The following ANKRD54 variants were observed in gnomAD, a reference collection of about 807,000 sequenced individuals.
ANKRD54 encodes the protein ankyrin repeat domain 54, also known as ankyrin repeat domain-containing protein 54.
In ANKRD54, 26 loss-of-function variants were observed where a neutral mutation model predicts 36.2. That is an observed-to-expected ratio of 0.72 (90% CI 0.53 to 1.00). The LOEUF (loss-of-function observed/expected upper bound fraction) is 1.00. Ranked by LOEUF, ANKRD54 falls within the 50% of genes least tolerant of loss-of-function variation. The pLI is 0.00. For synonymous variants in ANKRD54, 209 were observed against 188.4 expected (o/e 1.11, Z -0.89); for missense variants, 384 against 424.3 (o/e 0.91, Z 0.83).
Position 37,831,813 on chromosome 22 carries a change from T to C in ANKRD54, c.*130A>G. On this transcript the variant is annotated 3_prime_UTR_variant, in exon 8 of 8. Coordinates refer to ENST00000215941, the MANE Select transcript of ANKRD54 (RefSeq NM_138797.4). Reference sequence around the variant, plus strand: ...GAGAGAGCATCTCTGCCCCACGGCATCTGCGGGTGAGGGCAAGGTCCTCAC... The same window carrying C: ...GAGAGAGCATCTCTGCCCCACGGCACCTGCGGGTGAGGGCAAGGTCCTCAC... 1.1e-6 allele frequency: 1 copy of C among 874,108 alleles called. No homozygotes were observed. The highest frequency in any genetic ancestry group is 1.7e-5 in the African/African-American group (1 of 59,728). 54.1% of individuals were successfully genotyped at this position (874,108 alleles called of 1,614,324 possible).
upstream of ANKRD54, chr22:37,844,514 T>C: frequency 2.5e-6 from 1 of 398,676 alleles, no homozygotes; most frequent in Non-Finnish European, 4.5e-6. Context: ...CTGACAGACA[T>C]TGTAACCAAT....
At chr22:37,835,687 T>C in intron 3 of ANKRD54, among the ~76,000 whole-genome samples, 1 of 152,050 alleles carries the variant, frequency 6.6e-6, no homozygotes, top group Non-Finnish European at 1.5e-5. Flanking sequence ...GCACCTGTCG[T>C]CCCAGCTACT....
In ANKRD54 at chr22:37,844,162, G is replaced by A; in HGVS notation, c.77C>T (p.Ala26Val). The change falls in exon 1 of 8, where the codon GCG becomes GTG. Residue 26 changes from alanine (A) to valine (V), a missense_variant. Ala to Val is a moderately conservative substitution (Grantham distance 64). Transcript: ENST00000215941. ...HSSSEGECAV[A>V]PEPLTDAEGL... The stretch of plus-strand genomic sequence containing the variant: ...CTCAGCGTCAGTCAGCGGCTCCGGC[G>A]CCACCGCGCACTCGCCCTCCGAGCT... 2.0e-6 allele frequency: 3 copies of A among 1,499,284 alleles called. No homozygotes were observed. Among genetic ancestry groups the A allele is most frequent in the Non-Finnish European group, 2.7e-6 (3 of 1,131,634 alleles). The allele number at this position is 1,499,284 out of a possible 1,614,324, so 92.9% of individuals were successfully genotyped here.
intron 3 of ANKRD54, among the ~76,000 whole-genome samples, chr22:37,836,213 G>A (rs1186232469): frequency 1.3e-5 from 2 of 150,072 alleles, no homozygotes; most frequent in African/African-American, 2.4e-5. Flanking sequence ...ATGGGAGGCC[G>A]AGGCGGGTGG....
upstream of ANKRD54, among the ~76,000 whole-genome samples, chr22:37,846,985 C>T (rs1185621255): frequency 6.7e-6 from 1 of 150,302 alleles, no homozygotes; most frequent in Non-Finnish European, 1.5e-5. Context: ...TCCCAAGTAG[C>T]TGGGACTACA....
intron 3 of ANKRD54, among the ~76,000 whole-genome samples, chr22:37,837,832 A>C (rs2145972301): frequency 6.6e-6 from 1 of 152,222 alleles, no homozygotes; most frequent in East Asian, 1.9e-4. Context: ...ACTAAAAAAT[A>C]CAAAAAAATT....
Position 37,840,140 on chromosome 22 carries a change from C to A in ANKRD54, c.376+47G>T, listed in dbSNP as rs768978927. 30 of 1,612,308 alleles carry A rather than the reference C, an allele frequency of 1.9e-5. No homozygotes were observed. In the Admixed American group the frequency reaches 4.8e-4, roughly 26 times the overall value. The stretch of plus-strand genomic sequence containing the variant: ...TTGATTACCTGGCCTTTTCCTTCCC[C>A]AACCAGCCCATGGGACCCTGTAGCT... On this transcript the variant is annotated intron_variant, in intron 2 of 7. Coordinates refer to ENST00000215941, the MANE Select transcript of ANKRD54 (RefSeq NM_138797.4).
upstream of ANKRD54, among the ~76,000 whole-genome samples, chr22:37,846,156 CAGAG>C (rs1924833812): frequency 6.6e-6 from 1 of 151,732 alleles, no homozygotes; most frequent in Non-Finnish European, 1.5e-5. Flanking sequence ...GTCTGGGCGA[CAGAG>C]AAAGACTCCA....
upstream of ANKRD54, among the ~76,000 whole-genome samples, chr22:37,847,983 G>A (rs5756836): frequency 0.04 from 6,082 of 152,194 alleles, 172 homozygotes; most frequent in Non-Finnish European, 0.061. Flanking sequence ...CACTGCATTC[G>A]ATTCTAGACT....
At chr22:37,841,572 G>A (rs1468888065) in intron 1 of ANKRD54, among the ~76,000 whole-genome samples, 6 of 148,606 alleles carry the variant, frequency 4.0e-5, no homozygotes, top group East Asian at 2.0e-4. Flanking sequence ...AACATAGGCC[G>A]GGCACAGTGG....
At chr22:37,845,778 A>G (rs1289172881), upstream of ANKRD54, among the ~76,000 whole-genome samples, 1 of 152,126 alleles carries the variant, frequency 6.6e-6, no homozygotes, top group East Asian at 1.9e-4. Flanking sequence ...CTGAGGCAGG[A>G]GAGTAGCTTG....
In ANKRD54 at chr22:37,843,924, G is replaced by A; in HGVS notation, c.315C>T (p.Gly105=). Residue 105 remains glycine, a synonymous_variant, in exon 1 of 8, where the codon GGC becomes GGT. Transcript: ENST00000215941. The stretch of plus-strand genomic sequence containing the variant: ...CGCGCCGCTCACCGTGCACCTCCTT[G>A]CCCGTGGGCCCGAGCCGCCGGTGGG... ...ARPHRRLGPT[G]KEVHALKRLR... 1 of 1,344,030 alleles carries A rather than the reference G, an allele frequency of 7.4e-7. No individual in the cohort carries two copies. The highest frequency in any genetic ancestry group is 9.5e-7 in the Non-Finnish European group (1 of 1,050,954). 83.3% of individuals were successfully genotyped at this position (1,344,030 alleles called of 1,614,324 possible).
At chr22:37,841,553 C>CAA (rs1183252458) in intron 1 of ANKRD54, among the ~76,000 whole-genome samples, 21 of 139,732 alleles carry the variant, frequency 1.5e-4, no homozygotes, top group South Asian at 2.3e-4. Context: ...CACACACACA[C>CAA]ACACAAAAAA....
intron 2 of ANKRD54, 79 bp downstream of exon 2, chr22:37,840,108 C>G (rs1250515557): frequency 2.1e-5 from 32 of 1,539,222 alleles, no homozygotes; most frequent in Non-Finnish European, 2.8e-5. Flanking sequence ...GACTGCCTTC[C>G]CACATATTGA....
upstream of ANKRD54, chr22:37,849,059 T>G: frequency 2.5e-6 from 1 of 395,544 alleles, no homozygotes; most frequent in Non-Finnish European, 4.5e-6. Context: ...CGATCTCGGC[T>G]CACCGCAACC....
At chr22:37,847,713 A>AATCGAG, upstream of ANKRD54, 1 of 459,618 alleles carries the variant, frequency 2.2e-6, no homozygotes, top group Non-Finnish European at 4.3e-6. Context: ...CCCTGAACCA[A>AATCGAG]GGAAGAGACT....
intron 3 of ANKRD54, among the ~76,000 whole-genome samples, chr22:37,837,005 G>A (rs898582511): frequency 6.6e-6 from 1 of 150,838 alleles, no homozygotes; most frequent in Admixed American, 6.6e-5. Flanking sequence ...CTCCAGCCTG[G>A]GCGACAGGCA....
chr22:37,847,784 C>T (rs111819484), upstream of ANKRD54: 3,009 of 437,958 alleles, frequency 6.9e-3, 79 homozygotes, highest in African/African-American at 0.058. Flanking sequence ...AAAGCTTAAG[C>T]TCCATTATTT....
Position 37,838,531 on chromosome 22 carries a change from G to A in ANKRD54, c.444C>T (p.His148=), listed in dbSNP as rs1923817028. 3 of 1,612,636 alleles carry A rather than the reference G, an allele frequency of 1.9e-6. No individual in the cohort carries two copies. The highest frequency in any genetic ancestry group is 1.7e-6 in the Non-Finnish European group (2 of 1,179,478). Residue 148 remains histidine, a synonymous_variant, in exon 3 of 8, where the codon CAC becomes CAT. Coordinates refer to ENST00000215941, the MANE Select transcript of ANKRD54 (RefSeq NM_138797.4). ...GGTCATTGCCATTGCATGAGGCAAA[G>A]TGTAGAGCTGTGCGGCCCTTGTCAT... is the stretch of plus-strand genomic sequence containing the variant. ...AADDKGRTAL[H]FASCNGNDQI...
Sources: allele counts gnomAD v4.1 joint callset (sites outside exome capture counted in the v4.1 genomes callset), GRCh38; gene constraint gnomAD v4.1.1; transcripts MANE v1.5; gene names NCBI Gene and HGNC (gene_info 2026-07-23, HGNC 2026-07-21).